The following E2F3 variants were observed in gnomAD, a reference collection of about 807,000 sequenced individuals.
The protein encoded by E2F3 is E2F transcription factor 3, also known as transcription factor E2F3.
E2F3 carries 11 observed loss-of-function variants against 44.4 expected under a neutral mutation model. The observed-to-expected ratio is 0.25, with a 90% CI of 0.16 to 0.41. The LOEUF (loss-of-function observed/expected upper bound fraction) is 0.41. E2F3 is among the 10% of genes least tolerant of loss of function. The pLI, the probability that E2F3 is intolerant of heterozygous loss-of-function variation, is 1.00. For synonymous variants in E2F3, 249 were observed against 253.0 expected, an observed-to-expected ratio of 0.98 and a Z score of 0.15; for missense variants, 487 against 583.6, an observed-to-expected ratio of 0.83 and a Z score of 1.70.
At chr6:20,481,125 C>T in intron 2 of E2F3, 81 bp from the exon 3 acceptor site, 1 of 1,318,620 alleles carries the variant, frequency 7.6e-7, no homozygotes, top group Non-Finnish European at 1.1e-6. Flanking sequence ...GGAAAGAGAG[C>T]TTGCTTGACT....
rs1341665767 is a variant in E2F3 at position 20,491,210 on chromosome 6, A to T, written c.*780A>T. 8.6e-6 allele frequency: 2 copies of T among 232,406 alleles called. No homozygotes were observed. The highest frequency in any genetic ancestry group is 8.5e-6 in the Non-Finnish European group (1 of 117,260). 14.4% of individuals were successfully genotyped at this position (232,406 alleles called of 1,614,324 possible). A position where few individuals can be genotyped will look rare whatever the true frequency, so the allele number is the denominator to read the frequency against. On this transcript the variant is annotated 3_prime_UTR_variant, in exon 7 of 7. Transcript: ENST00000346618. ...TCCAGTTGATTTGTAGCAAATGCCT[A>T]CTTAGTTCTTTGTGGATTGTTCTAG... is the stretch of plus-strand genomic sequence containing the variant.
rs1161437619 is a variant in E2F3, at chr6:20,482,850, A to G, written c.814A>G (p.Lys272Glu). The part of the protein sequence containing the change: ...EVTELSQEEK[K>E]LDELIQSCTL... ...GACCGAGCTCAGTCAGGAAGAGAAGAAATTAGATGAACTGATCCAAAGCTG... is the reference window on the plus strand; with the variant it reads ...GACCGAGCTCAGTCAGGAAGAGAAGGAATTAGATGAACTGATCCAAAGCTG... Residue 272 changes from lysine to glutamate, a missense_variant, in exon 4 of 7, where the codon AAA (lysine) becomes GAA (glutamate). By Grantham distance (56) the Lys-to-Glu change is moderately conservative. Around this residue, in one of 3 missense-constraint regions of E2F3, gnomAD observed 220 missense variants for 261.7 expected, o/e 0.84. Transcript: ENST00000346618. 4.3e-6 allele frequency: 7 copies of G among 1,613,834 alleles called. No homozygotes were observed. The highest frequency in any genetic ancestry group is 5.9e-6 in the Non-Finnish European group (7 of 1,179,832).
In E2F3 at chr6:20,401,959, TC is replaced by T. The variant is rs1759317736; in HGVS notation, c.-272del. 1 of 386,152 alleles carries T rather than the reference TC, an allele frequency of 2.6e-6. No homozygotes were observed. Among genetic ancestry groups the T allele is most frequent in the Admixed American group, 4.7e-5 (1 of 21,420 alleles). The allele number at this position is 386,152 out of a possible 1,614,324, so 23.9% of individuals were successfully genotyped here. On this transcript the variant is annotated 5_prime_UTR_variant, in exon 1 of 7. Transcript: ENST00000346618. ...CCGGGCTGCCGCCGCCGCCTCGCAATCCGTTGCATCGGCCGCCCCCGACGCC... is the reference window on the plus strand; with the variant it reads ...CCGGGCTGCCGCCGCCGCCTCGCAATCGTTGCATCGGCCGCCCCCGACGCC...
intron 1 of E2F3, among the ~76,000 whole-genome samples, chr6:20,416,232 C>T (rs1486683339): frequency 6.6e-6 from 1 of 152,210 alleles, no homozygotes; most frequent in Non-Finnish European, 1.5e-5. Flanking sequence ...CAGTAAGCAG[C>T]CATTCCCTTT....
chr6:20,482,678 A>G (rs1029843160), intron 3 of E2F3, 84 bp from the exon 4 acceptor site: 3 of 1,421,996 alleles, frequency 2.1e-6, no homozygotes, highest in Non-Finnish European at 2.8e-6. Flanking sequence ...TCCTATGTCA[A>G]GAGGAGACAT....
chr6:20,437,038 T>C (rs1042200051), intron 1 of E2F3, among the ~76,000 whole-genome samples: 1 of 152,212 alleles, frequency 6.6e-6, no homozygotes, highest in Admixed American at 6.5e-5. Context: ...GAGGATCCCT[T>C]GAGCCCAGGA....
chr6:20,412,627 AGTTTGAGT>A, intron 1 of E2F3, among the ~76,000 whole-genome samples: 1 of 152,122 alleles, frequency 6.6e-6, no homozygotes, highest in African/African-American at 2.4e-5. Context: ...GGGGGTGGGA[AGTTTGAGT>A]GGTGTGGGGA....
intron 5 of E2F3, 108 bp from the exon 6 acceptor site, chr6:20,488,005 A>G: frequency 6.7e-7 from 1 of 1,500,490 alleles, no homozygotes; most frequent in Non-Finnish European, 9.1e-7. Flanking sequence ...GGGAAAAAGC[A>G]AGTGAAAAAC....
At chr6:20,451,713 T>C (rs181973446) in intron 1 of E2F3, among the ~76,000 whole-genome samples, 107 of 152,316 alleles carry the variant, frequency 7.0e-4, no homozygotes, top group African/African-American at 2.5e-3. Context: ...CGATGGCTCT[T>C]AATATTTTGA....
chr6:20,482,759 T>C lies in E2F3; in HGVS notation c.726-3T>C, dbSNP rs1361157446. ...CATGAAGAGTCTGTGTTTGGGTTTC[T>C]AGGGGCTGCAGTCTGTCTGAGGATG... On this transcript the variant is annotated splice_region_variant and splice_polypyrimidine_tract_variant and intron_variant, in intron 3 of 6. Transcript: ENST00000346618. 6.3e-7 allele frequency: 1 copy of C among 1,597,212 alleles called. No individual in the cohort carries two copies.
intron 1 of E2F3, among the ~76,000 whole-genome samples, chr6:20,464,988 A>G (rs1761653572): frequency 6.6e-6 from 1 of 152,226 alleles, no homozygotes; most frequent in African/African-American, 2.4e-5. Flanking sequence ...CTACTTAAAC[A>G]TCCCAGCTTT....
At position 20,429,136 on chromosome 6, in the gene E2F3, C is replaced by G. The variant is rs190414816; in HGVS notation, c.393+26511C>G. 4.6e-5 allele frequency among the ~76,000 whole-genome samples: 7 copies of G among 152,260 alleles called. No individual in the cohort carries two copies. In the East Asian group the frequency reaches 1.4e-3, roughly 29 times the overall value. On this transcript the variant is annotated intron_variant, in intron 1 of 6. Coordinates refer to ENST00000346618, the MANE Select transcript of E2F3 (RefSeq NM_001949.5). ...TCCCCACAACAAAGAATTATCCAGC[C>G]CAAAATGTCACTAGTGCCAAGGTTA... is the stretch of plus-strand genomic sequence containing the variant.
At chr6:20,447,051 G>A (rs1760969071) in intron 1 of E2F3, among the ~76,000 whole-genome samples, 1 of 152,120 alleles carries the variant, frequency 6.6e-6, no homozygotes, top group Admixed American at 6.5e-5. Context: ...TGTCTTTCTT[G>A]GATAATATCA....
At chr6:20,461,645 A>G (rs1257848519) in intron 1 of E2F3, among the ~76,000 whole-genome samples, 1 of 152,222 alleles carries the variant, frequency 6.6e-6, no homozygotes, top group Admixed American at 6.5e-5. Flanking sequence ...TTAAAATTTT[A>G]TAAAAAGATG....
At chr6:20,415,832 C>G (rs904626168) in intron 1 of E2F3, among the ~76,000 whole-genome samples, 1 of 152,140 alleles carries the variant, frequency 6.6e-6, no homozygotes, top group Non-Finnish European at 1.5e-5. Context: ...TATTAATTGG[C>G]TGCTGGAAGC....
intron 5 of E2F3, among the ~76,000 whole-genome samples, chr6:20,487,559 C>T (rs1762430509): frequency 6.6e-6 from 1 of 152,144 alleles, no homozygotes; most frequent in South Asian, 2.1e-4. Context: ...GGAACAATAA[C>T]ATGGAGATAC....
At chr6:20,485,862 C>A (rs545406495) in intron 4 of E2F3, among the ~76,000 whole-genome samples, 1 of 152,310 alleles carries the variant, frequency 6.6e-6, no homozygotes, top group African/African-American at 2.4e-5. Flanking sequence ...AGTTCCTCCA[C>A]TAATGTATTT....
rs543554289 is a variant in E2F3 at position 20,415,478 on chromosome 6, C to T, written c.393+12853C>T. On this transcript the variant is annotated intron_variant, in intron 1 of 6. Coordinates refer to ENST00000346618, the MANE Select transcript of E2F3 (RefSeq NM_001949.5). Reference sequence around the variant, plus strand: ...CAAGTTTAGCAGGATCCCTGGCCTCCGCCCACTTAGATGCCATTAGCACCA... The same window carrying T: ...CAAGTTTAGCAGGATCCCTGGCCTCTGCCCACTTAGATGCCATTAGCACCA... Among the ~76,000 whole-genome samples the T allele has an allele frequency of 5.9e-5, 9 of 152,234 alleles. No individual in the cohort carries two copies. The East Asian group carries it at 1.5e-3, about 26-fold the overall frequency.
At chr6:20,447,338 A>G (rs1009656554) in intron 1 of E2F3, among the ~76,000 whole-genome samples, 2 of 151,462 alleles carry the variant, frequency 1.3e-5, no homozygotes, top group African/African-American at 4.9e-5. Context: ...GTGTGTGTGT[A>G]TGAGAGAGAG....
Sources: allele counts gnomAD v4.1 joint callset (sites outside exome capture counted in the v4.1 genomes callset), GRCh38; gene constraint gnomAD v4.1.1; regional missense constraint gnomAD v4.1.1; transcripts MANE v1.5; gene names NCBI Gene and HGNC (gene_info 2026-07-23, HGNC 2026-07-21).